Variants in OTOG observed in about 807,000 individuals in gnomAD.
The protein encoded by OTOG is otogelin.
In OTOG, 296 loss-of-function variants were observed where a neutral mutation model predicts 313.8. The ratio of observed to expected loss-of-function variants is 0.94; its 90% CI spans 0.86 to 1.04. OTOG has a LOEUF of 1.04. OTOG is among the 50% of genes least tolerant of loss of function. The pLI is 0.00. For missense variants in OTOG, 3,948 were observed against 3,840.1 expected, an observed-to-expected ratio of 1.03 and a Z score of -0.74; for synonymous variants, 1,533 against 1,554.9, an observed-to-expected ratio of 0.99 and a Z score of 0.33.
chr11:17,573,973 A>T (rs1043154113), intron 19 of OTOG, among the ~76,000 whole-genome samples: 5 of 152,224 alleles, frequency 3.3e-5, no homozygotes, highest in African/African-American at 1.2e-4. Flanking sequence ...GCTGCATATT[A>T]GAGTTACCAT....
chr11:17,640,131 A>C (rs1012283418), intron 49 of OTOG, among the ~76,000 whole-genome samples: 5 of 152,136 alleles, frequency 3.3e-5, no homozygotes, highest in Admixed American at 6.5e-5. Flanking sequence ...GTTTACTGAG[A>C]GCTTACTAAA....
intron 34 of OTOG, 40 bp from the exon 35 acceptor site, chr11:17,609,090 G>T (rs140905897): frequency 2.0e-6 from 3 of 1,480,612 alleles, no homozygotes; most frequent in Non-Finnish European, 2.8e-6. Context: ...GGCCCTGCCT[G>T]TATTTCAGGC....
chr11:17,559,080 C>A lies in OTOG; in HGVS notation c.1132C>A (p.Arg378=). The A allele has an allele frequency of 6.5e-7, 1 of 1,547,504 alleles. No individual in the cohort carries two copies. The highest frequency in any genetic ancestry group is 1.2e-5 in the South Asian group (1 of 84,046). The change falls in exon 11 of 56, where the codon CGG becomes AGG. Residue 378 remains arginine, a synonymous_variant. Transcript: ENST00000399397. The part of the protein sequence containing the change: ...QSMGDVATWC[R]ALAEYARACA... ...AATGGGTGATGTAGCCACCTGGTGC[C>A]GGGCACTGGCGGAGTATGCCCGGGC...
chr11:17,632,552 G>T (rs1354294921), intron 42 of OTOG, among the ~76,000 whole-genome samples: 9 of 152,064 alleles, frequency 5.9e-5, no homozygotes, highest in East Asian at 3.9e-4. Flanking sequence ...CATCGCCCCC[G>T]CCCAGGGTGG....
chr11:17,629,397 G>T, intron 40 of OTOG, 81 bp downstream of exon 40: 1 of 1,417,262 alleles, frequency 7.1e-7, no homozygotes, highest in East Asian at 2.5e-5. Context: ...CCTGGAGCAG[G>T]AAAGGCTGGG....
intron 3 of OTOG, among the ~76,000 whole-genome samples, chr11:17,549,552 G>C (rs1851888623): frequency 6.6e-6 from 1 of 152,206 alleles, no homozygotes; most frequent in Admixed American, 6.5e-5. Context: ...GGGAAATTGA[G>C]GTGGGTGGAT....
chr11:17,635,607 C>T lies in OTOG; in HGVS notation c.7694-3C>T. The T allele has an allele frequency of 6.5e-7, 1 of 1,549,696 alleles. No individual in the cohort carries two copies. On this transcript the variant is annotated splice_polypyrimidine_tract_variant and splice_region_variant and intron_variant, in intron 46 of 55. Coordinates refer to ENST00000399397, the MANE Select transcript of OTOG (RefSeq NM_001292063.2). ...TGACAGCATTGACCCTCTTCCCCCTCAGCCTGTGGTGACTGTCCAGACTCC... is the reference window on the plus strand; with the variant it reads ...TGACAGCATTGACCCTCTTCCCCCTTAGCCTGTGGTGACTGTCCAGACTCC...
chr11:17,613,200 TTTCTTTCTTTCTTTC>T (rs1853619787), intron 38 of OTOG, among the ~76,000 whole-genome samples: 1 of 65,828 alleles, frequency 1.5e-5, no homozygotes, highest in Admixed American at 1.5e-4. Flanking sequence ...CTTTCTTTTC[TTTCTTTCTTTCTTTC>T]TTTCTTTCTT....
chr11:17,637,424 T>A (rs1301896543), intron 47 of OTOG, among the ~76,000 whole-genome samples: 1 of 152,186 alleles, frequency 6.6e-6, no homozygotes, highest in African/African-American at 2.4e-5. Context: ...CCTCCCACTG[T>A]AGAGTCCATG....
chr11:17,593,162 G>A, intron 25 of OTOG, 31 bp from the exon 26 acceptor site: 1 of 1,539,376 alleles, frequency 6.5e-7, no homozygotes, highest in Non-Finnish European at 8.8e-7. Flanking sequence ...TTTCTCCCTT[G>A]TTTTATTGGA....
chr11:17,624,949 T>A (rs986544484), intron 39 of OTOG, among the ~76,000 whole-genome samples: 10 of 152,226 alleles, frequency 6.6e-5, no homozygotes, highest in Non-Finnish European at 1.0e-4. Context: ...CTGATTTGGC[T>A]CTCGGCTTAG....
At chr11:17,564,615 T>C (rs1852260686) in intron 15 of OTOG, among the ~76,000 whole-genome samples, 1 of 152,222 alleles carries the variant, frequency 6.6e-6, no homozygotes. Flanking sequence ...AAGCTGCGAC[T>C]GCACTCCTGG....
At chr11:17,570,099 G>A in intron 16 of OTOG, 114 bp from the exon 17 acceptor site, 1 of 940,288 alleles carries the variant, frequency 1.1e-6, no homozygotes, top group Non-Finnish European at 1.6e-6. Context: ...CAGGCAGGCA[G>A]GGGGCGAAGA....
intron 50 of OTOG, 30 bp from the exon 51 acceptor site, chr11:17,640,883 T>C: frequency 1.9e-6 from 3 of 1,549,256 alleles, no homozygotes; most frequent in Non-Finnish European, 2.6e-6. Flanking sequence ...GGGCTCTGGA[T>C]GACTGTTGCC....
At chr11:17,597,063 T>C (rs970152835) in intron 30 of OTOG, 56 bp downstream of exon 30, 1 of 1,534,330 alleles carries the variant, frequency 6.5e-7, no homozygotes, top group Non-Finnish European at 8.8e-7. Context: ...CCTGTGGGCA[T>C]GCCCTAGGGG....
At chr11:17,636,945 G>A (rs1181582203) in intron 47 of OTOG, among the ~76,000 whole-genome samples, 2 of 152,072 alleles carry the variant, frequency 1.3e-5, no homozygotes, top group East Asian at 1.9e-4. Flanking sequence ...TTTTGTGAAG[G>A]ACCAAATGGT....
intron 33 of OTOG, among the ~76,000 whole-genome samples, chr11:17,607,004 C>G (rs1046553480): frequency 1.3e-5 from 2 of 152,262 alleles, no homozygotes; most frequent in African/African-American, 4.8e-5. Context: ...TGAGCCCAGG[C>G]TTTGAAGCTG....
chr11:17,635,296 G>A, intron 46 of OTOG, 109 bp downstream of exon 46: 1 of 844,678 alleles, frequency 1.2e-6, no homozygotes, highest in Non-Finnish European at 1.8e-6. Flanking sequence ...CTTCAGATGG[G>A]GTGGGCAAAG....
rs1365997130 is a variant in OTOG at position 17,548,170 on chromosome 11, G to A, written c.174G>A (p.Ala58=). The change falls in exon 3 of 56, where the codon GCG becomes GCA. Residue 58 remains alanine (A), a synonymous_variant. Transcript: ENST00000399397. ...CCTCCAGCAGCAGCCACCAGGAGGCGACCCTTGCCATGGGGGACAAGGCTA... is the reference window on the plus strand; with the variant it reads ...CCTCCAGCAGCAGCCACCAGGAGGCAACCCTTGCCATGGGGGACAAGGCTA... ...AGQPSSSHQE[A]TLAMGDKATV... 1.1e-5 allele frequency: 17 copies of A among 1,548,010 alleles called. No individual in the cohort carries two copies. The highest frequency in any genetic ancestry group is 1.7e-4 in the Middle Eastern group (1 of 5,998).
Sources: allele counts gnomAD v4.1 joint callset (sites outside exome capture counted in the v4.1 genomes callset), GRCh38; gene constraint gnomAD v4.1.1; transcripts MANE v1.5; gene names NCBI Gene and HGNC (gene_info 2026-07-23, HGNC 2026-07-21).